PLCZ1: variants seen among roughly 807,000 people sequenced by gnomAD.
The protein encoded by PLCZ1 is phospholipase C zeta 1, also known as 1-phosphatidylinositol 4,5-bisphosphate phosphodiesterase zeta-1.
PLCZ1 carries 64 observed loss-of-function variants against 76.8 expected under a neutral mutation model. That is an observed-to-expected ratio of 0.83 (90% CI 0.68 to 1.03). PLCZ1 has a LOEUF of 1.03. Among genes scored for constraint, PLCZ1 ranks in the 50% least tolerant of loss-of-function variants. The pLI, the probability that PLCZ1 is intolerant of heterozygous loss-of-function variation, is 0.00. For missense variants in PLCZ1, 751 were observed against 713.7 expected (o/e 1.05, Z -0.60); for synonymous variants, 248 against 230.8 (o/e 1.07, Z -0.68).
chr12:18,712,781 G>A (rs1957495240), intron 6 of PLCZ1, 61 bp downstream of exon 6: 1 of 1,574,562 alleles, frequency 6.4e-7, no homozygotes, highest in East Asian at 2.2e-5. Flanking sequence ...GGATTTTGAA[G>A]CAAGTAAATT....
intron 3 of PLCZ1, among the ~76,000 whole-genome samples, chr12:18,725,290 G>A (rs1958686201): frequency 6.6e-6 from 1 of 152,114 alleles, no homozygotes; most frequent in African/African-American, 2.4e-5. Flanking sequence ...AGGGAAGCGG[G>A]GAGAAGAAAA....
the PLCZ1 span, among the ~76,000 whole-genome samples, chr12:18,663,329 A>C: frequency 2.0e-5 from 3 of 152,286 alleles, no homozygotes; most frequent in South Asian, 6.2e-4. Context: ...GAAAACCATG[A>C]GTCCAGAAAA....
chr12:18,732,178 G>A (rs557643661), intron 3 of PLCZ1, among the ~76,000 whole-genome samples: 8 of 151,766 alleles, frequency 5.3e-5, no homozygotes, highest in African/African-American at 1.7e-4. Context: ...TCCCCACAGG[G>A]TCTCTCTTTG....
chr12:18,675,884 G>A, the PLCZ1 span, among the ~76,000 whole-genome samples: 4 of 151,864 alleles, frequency 2.6e-5, no homozygotes, highest in Admixed American at 2.0e-4. Flanking sequence ...TGGGAGGGGG[G>A]TGAGGTTTGA....
At chr12:18,734,422 C>T (rs928798639) in intron 3 of PLCZ1, among the ~76,000 whole-genome samples, 1 of 152,134 alleles carries the variant, frequency 6.6e-6, no homozygotes, top group Non-Finnish European at 1.5e-5. Flanking sequence ...GCAATCTCAG[C>T]TCACTGCAAC....
chr12:18,648,872 T>A, the PLCZ1 span, among the ~76,000 whole-genome samples: 11 of 152,236 alleles, frequency 7.2e-5, no homozygotes, highest in East Asian at 1.5e-3. Flanking sequence ...ATCAAAAAAA[T>A]TTTTTAATCT....
In PLCZ1 at chr12:18,719,592, T is replaced by A; in HGVS notation, c.408A>T (p.Arg136Ser). Residue 136 changes from arginine (R) to serine (S), a missense_variant, in exon 5 of 15, where the codon AGA (arginine) becomes AGT (serine). Coordinates refer to ENST00000266505, the MANE Select transcript of PLCZ1 (RefSeq NM_033123.4). ...GTAGACATTCACGTGAATCCATGTA[T>A]CTTGTAAAACCTTCTAATGACATTT... The part of the protein sequence containing the change: ...AHQMSLEGFT[R>S]YMDSRECLLF... 1.2e-6 allele frequency: 2 copies of A among 1,606,766 alleles called. No homozygotes were observed. The highest frequency in any genetic ancestry group is 8.5e-7 in the Non-Finnish European group (1 of 1,176,146).
intron 7 of PLCZ1, among the ~76,000 whole-genome samples, chr12:18,704,259 A>G (rs986648842): frequency 2.0e-5 from 3 of 152,172 alleles, no homozygotes; most frequent in Non-Finnish European, 4.4e-5. Flanking sequence ...ATTAGAAGAG[A>G]AAGAGGGACT....
At chr12:18,736,004 C>T (rs781254352) in intron 3 of PLCZ1, 7 of 446,478 alleles carry the variant, frequency 1.6e-5, no homozygotes, top group Middle Eastern at 6.8e-4. Context: ...TTTCTGTATG[C>T]TCAGGAAATT....
chr12:18,652,459 G>A, the PLCZ1 span, among the ~76,000 whole-genome samples: 3 of 152,096 alleles, frequency 2.0e-5, no homozygotes, highest in East Asian at 5.8e-4. Context: ...CTCTCAAAAG[G>A]AACCAACCAT....
At position 18,701,526 on chromosome 12, in the gene PLCZ1, C is replaced by T; in HGVS notation, c.992G>A (p.Gly331Glu). The change falls in exon 9 of 15, where the codon GGA becomes GAA. Residue 331 changes from glycine to glutamate, a missense_variant. Physicochemically the swap from Gly to Glu is moderately conservative, Grantham distance 98. Transcript: ENST00000266505. ...CTTCTTTTTCTTGAAAAGCATTACT[C>T]CAGGTAACTTTTTTACCCCTGTTTC... ...DKETGVKKLPGVMLFKKKKTR... is the reference protein window; with the variant it reads ...DKETGVKKLPEVMLFKKKKTR... 6.2e-7 allele frequency: 1 copy of T among 1,613,958 alleles called. No homozygotes were observed. The highest frequency in any genetic ancestry group is 8.5e-7 in the Non-Finnish European group (1 of 1,179,960).
chr12:18,697,760 T>A (rs1368366946), intron 10 of PLCZ1, among the ~76,000 whole-genome samples: 6 of 151,940 alleles, frequency 3.9e-5, no homozygotes, highest in Admixed American at 3.9e-4. Context: ...ACTATAATAA[T>A]GTGAACATCA....
the PLCZ1 span, among the ~76,000 whole-genome samples, chr12:18,658,702 T>C: frequency 6.6e-6 from 1 of 152,168 alleles, no homozygotes; most frequent in Admixed American, 6.6e-5. Flanking sequence ...GTATTTGGAA[T>C]AGATGGCTTG....
At position 18,684,060 on chromosome 12, in the gene PLCZ1, A is replaced by G. The variant is rs1565643243; in HGVS notation, c.1741+70T>C. ...TATGATAGAGCTATTTGGTATGTCAAAATGTGTCTTTGATATACACAAGTT... is the reference window on the plus strand; with the variant it reads ...TATGATAGAGCTATTTGGTATGTCAGAATGTGTCTTTGATATACACAAGTT... On this transcript the variant is annotated intron_variant, in intron 14 of 14. Transcript: ENST00000266505. 3.9e-6 allele frequency: 6 copies of G among 1,548,012 alleles called. No homozygotes were observed. In the Admixed American group the frequency reaches 1.0e-4, roughly 27 times the overall value.
intron 13 of PLCZ1, among the ~76,000 whole-genome samples, chr12:18,686,451 T>C (rs994339273): frequency 6.6e-6 from 1 of 152,122 alleles, no homozygotes; most frequent in African/African-American, 2.4e-5. Context: ...TCCACCCATC[T>C]TGAGTTTCTT....
intron 3 of PLCZ1, chr12:18,730,921 A>G (rs1264606315): frequency 6.6e-6 from 1 of 152,184 alleles, no homozygotes; most frequent in Non-Finnish European, 1.5e-5. Flanking sequence ...AAAATCCTAC[A>G]TGTAAAGATG....
chr12:18,701,832 A>G, intron 7 of PLCZ1, 56 bp from the exon 8 acceptor site: 1 of 1,549,172 alleles, frequency 6.5e-7, no homozygotes, highest in Non-Finnish European at 8.7e-7. Flanking sequence ...TTTGCATTGT[A>G]ACAGTCACTG....
At chr12:18,715,120 A>G (rs2137459504) in intron 5 of PLCZ1, among the ~76,000 whole-genome samples, 1 of 138,626 alleles carries the variant, frequency 7.2e-6, no homozygotes, top group South Asian at 2.5e-4. Flanking sequence ...TATAACACTA[A>G]GTCAATGTAC....
chr12:18,668,491 C>T, the PLCZ1 span, among the ~76,000 whole-genome samples: 1 of 152,178 alleles, frequency 6.6e-6, no homozygotes, highest in Non-Finnish European at 1.5e-5. Context: ...GACCACTAAC[C>T]TGCCTGCCGT....
Sources: allele counts gnomAD v4.1 joint callset (sites outside exome capture counted in the v4.1 genomes callset), GRCh38; gene constraint gnomAD v4.1.1; transcripts MANE v1.5; gene names NCBI Gene and HGNC (gene_info 2026-07-23, HGNC 2026-07-21).